CREB3L2: variants seen among roughly 807,000 people sequenced by gnomAD.
CREB3L2 encodes the protein cyclic AMP-responsive element-binding protein 3-like protein 2.
A neutral mutation model predicts 57.2 loss-of-function variants in CREB3L2; 23 were observed. The ratio of observed to expected loss-of-function variants is 0.40; its 90% confidence interval spans 0.29 to 0.57. The LOEUF is 0.57. CREB3L2 is among the 20% of genes least tolerant of loss of function. The pLI is 0.42. For synonymous variants in CREB3L2, 268 were observed against 265.1 expected, an observed-to-expected ratio of 1.01 and a Z score of -0.11; for missense variants, 628 against 634.7, an observed-to-expected ratio of 0.99 and a Z score of 0.11.
intron 1 of CREB3L2, among the ~76,000 whole-genome samples, chr7:137,984,455 G>C (rs191570037): frequency 6.6e-6 from 1 of 152,336 alleles, no homozygotes; most frequent in East Asian, 1.9e-4. Context: ...TGGAAGTGAA[G>C]CAGTCATCTT....
At chr7:137,885,842 A>C (rs1166448093) in intron 8 of CREB3L2, among the ~76,000 whole-genome samples, 2 of 152,240 alleles carry the variant, frequency 1.3e-5, no homozygotes, top group Non-Finnish European at 2.9e-5. Flanking sequence ...GATGGTGGCT[A>C]AAGTCAGAAT....
At chr7:137,977,925 GAAAGGAAAA>G (rs1801637044) in intron 1 of CREB3L2, among the ~76,000 whole-genome samples, 2 of 134,568 alleles carry the variant, frequency 1.5e-5, no homozygotes, top group Admixed American at 1.6e-4. Context: ...AGAAAGAAAA[GAAAGGAAAA>G]AAGGAAAGGA....
intron 1 of CREB3L2, among the ~76,000 whole-genome samples, chr7:137,951,257 G>A (rs746675997): frequency 1.3e-5 from 2 of 152,114 alleles, no homozygotes; most frequent in African/African-American, 2.4e-5. Context: ...AGTACAAGAC[G>A]GCTGTGATAT....
intron 1 of CREB3L2, among the ~76,000 whole-genome samples, chr7:137,966,033 A>G (rs936892126): frequency 3.3e-5 from 5 of 152,218 alleles, no homozygotes; most frequent in Non-Finnish European, 7.3e-5. Flanking sequence ...TCCATAAAGC[A>G]CACTCTGAGA....
chr7:137,925,822 G>A (rs1800442143), intron 2 of CREB3L2, among the ~76,000 whole-genome samples: 1 of 152,146 alleles, frequency 6.6e-6, no homozygotes, highest in African/African-American at 2.4e-5. Context: ...TGCTTTTGCT[G>A]GCCTAGGAAA....
intron 1 of CREB3L2, among the ~76,000 whole-genome samples, chr7:137,959,374 C>T (rs1423100378): frequency 6.6e-6 from 1 of 152,194 alleles, no homozygotes; most frequent in Non-Finnish European, 1.5e-5. Context: ...ATATTCCCCA[C>T]CATTCCCTTT....
chr7:137,887,654 A>C (rs1191267050), intron 8 of CREB3L2, among the ~76,000 whole-genome samples: 1 of 152,142 alleles, frequency 6.6e-6, no homozygotes, highest in African/African-American at 2.4e-5. Context: ...GGTTGTAGTA[A>C]GCTGGGATTG....
At chr7:137,929,400 A>G (rs948018639) in intron 1 of CREB3L2, among the ~76,000 whole-genome samples, 1 of 152,050 alleles carries the variant, frequency 6.6e-6, no homozygotes, top group Non-Finnish European at 1.5e-5. Flanking sequence ...TGTTTTGTGC[A>G]TTGTAGGATA....
chr7:137,987,793 C>T (rs1801817114), intron 1 of CREB3L2, among the ~76,000 whole-genome samples: 1 of 152,204 alleles, frequency 6.6e-6, no homozygotes. Flanking sequence ...AGGCGATCCT[C>T]CCACCCCGGC....
chr7:137,903,088 T>G (rs1020805021), intron 7 of CREB3L2, among the ~76,000 whole-genome samples: 2 of 152,300 alleles, frequency 1.3e-5, no homozygotes, highest in African/African-American at 4.8e-5. Flanking sequence ...ACGGGGATTA[T>G]AAGAGTGAGC....
chr7:137,960,931 A>AG (rs1456801507), intron 1 of CREB3L2, among the ~76,000 whole-genome samples: 1 of 144,952 alleles, frequency 6.9e-6, no homozygotes, highest in Non-Finnish European at 1.5e-5. Flanking sequence ...CTCCTACCTC[A>AG]GCCTCCCGAG....
chr7:137,998,717 C>T (rs943557851), intron 1 of CREB3L2, among the ~76,000 whole-genome samples: 9 of 152,226 alleles, frequency 5.9e-5, no homozygotes, highest in Non-Finnish European at 4.4e-5. Context: ...TTGTAAAGCA[C>T]TAGACACAAT....
At chr7:137,944,213 AG>A (rs1429595744) in intron 1 of CREB3L2, among the ~76,000 whole-genome samples, 2 of 152,172 alleles carry the variant, frequency 1.3e-5, no homozygotes, top group Non-Finnish European at 2.9e-5. Context: ...CCCATTTAGA[AG>A]GGAAAGGGAA....
chr7:137,983,564 C>T (rs1030007965), intron 1 of CREB3L2, among the ~76,000 whole-genome samples: 9 of 152,218 alleles, frequency 5.9e-5, no homozygotes, highest in African/African-American at 2.2e-4. Context: ...TCCAACCAGG[C>T]AAAGCTGCTG....
At chr7:137,965,857 C>T (rs1801398817) in intron 1 of CREB3L2, among the ~76,000 whole-genome samples, 1 of 152,212 alleles carries the variant, frequency 6.6e-6, no homozygotes, top group Non-Finnish European at 1.5e-5. Context: ...TGAATCTAGC[C>T]TCCTCCTCTA....
At chr7:137,883,505 G>C (rs908278626) in intron 10 of CREB3L2, among the ~76,000 whole-genome samples, 5 of 152,148 alleles carry the variant, frequency 3.3e-5, no homozygotes, top group African/African-American at 7.2e-5. Flanking sequence ...ATAGCATGTA[G>C]GGTTCATATG....
rs1221838430 is a variant in CREB3L2, at chr7:137,880,681, C to G, written c.1488-130G>C. On this transcript the variant is annotated intron_variant, in intron 11 of 11. Transcript: ENST00000330387. This position sits in a 1 kb window ranked among gnomAD's most constrained non-coding sequence, Gnocchi z 4.0. Reference sequence around the variant, plus strand: ...AGACGGCCTGGGCATGTTTCTTGTCCTTTTCTCTCCTAGTAGCAATTCTCT... The same window carrying G: ...AGACGGCCTGGGCATGTTTCTTGTCGTTTTCTCTCCTAGTAGCAATTCTCT... 6.3e-5 allele frequency: 45 copies of G among 714,722 alleles called. No homozygotes were observed. Among genetic ancestry groups the G allele is most frequent in the Non-Finnish European group, 2.5e-6 (1 of 399,178 alleles). 44.3% of individuals were successfully genotyped at this position (714,722 alleles called of 1,614,324 possible).
At position 137,878,688 on chromosome 7, in the gene CREB3L2, T is replaced by C. The variant is rs3735021; in HGVS notation, c.*1788A>G. The C allele has an allele frequency of 0.53, 124,573 of 233,678 alleles. 37,481 individuals are homozygous for C. Among genetic ancestry groups the C allele is most frequent in the Non-Finnish European group, 0.67 (79,142 of 118,532 alleles). The allele number at this position is 233,678 out of a possible 1,614,324, so 14.5% of individuals were successfully genotyped here. A position where few individuals can be genotyped will look rare whatever the true frequency, so the allele number is the denominator to read the frequency against. ...TCCACTCACAGTGAGAAGATGAACT[T>C]GGCCGCTTTCCAGGCTGGAACCGTC... On this transcript the variant is annotated 3_prime_UTR_variant, in exon 12 of 12. Coordinates refer to ENST00000330387, the MANE Select transcript of CREB3L2 (RefSeq NM_194071.4).
intron 1 of CREB3L2, among the ~76,000 whole-genome samples, chr7:137,994,040 A>G (rs1414132504): frequency 6.6e-6 from 1 of 152,254 alleles, no homozygotes; most frequent in Non-Finnish European, 1.5e-5. Context: ...AAAGAGAAAT[A>G]GGCTCAAGGT....
Sources: gnomAD v4.1 joint callset for allele counts (sites outside exome capture counted in the v4.1 genomes callset) on GRCh38, gnomAD v4.1.1 for gene constraint, Gnocchi (gnomAD v3.1) non-coding constraint, MANE v1.5 for transcripts, NCBI Gene and HGNC (gene_info 2026-07-23, HGNC 2026-07-21) for gene names.